Variants in PTPRN2 observed in about 807,000 individuals in gnomAD.
PTPRN2 encodes the protein protein tyrosine phosphatase receptor type N2, also known as receptor-type tyrosine-protein phosphatase N2.
PTPRN2 carries 74 observed loss-of-function variants against 118.8 expected under a neutral mutation model. That is an observed-to-expected ratio of 0.62 (90% confidence interval 0.52 to 0.76). PTPRN2 has a LOEUF of 0.76. Among genes scored for constraint, PTPRN2 ranks in the 30% least tolerant of loss-of-function variants. PTPRN2 has a pLI of 0.00. For missense variants in PTPRN2, 1,481 were observed against 1,394.4 expected (o/e 1.06, Z -0.99); for synonymous variants, 641 against 608.0 (o/e 1.05, Z -0.80).
chr7:158,306,855 GTT>G (rs61276074), intron 3 of PTPRN2, among the ~76,000 whole-genome samples: 96,593 of 121,326 alleles, frequency 0.8, 37,594 homozygotes, highest in South Asian at 0.86. Context: ...GCTGTTTTTT[GTT>G]TTTTTTTTTT....
intron 2 of PTPRN2, among the ~76,000 whole-genome samples, chr7:158,337,619 G>C (rs370268660): frequency 0.058 from 2,810 of 48,206 alleles, 3 homozygotes; most frequent in Non-Finnish European, 0.067. Context: ...ACCATAAGAG[G>C]AGACACCTGC....
chr7:158,085,986 G>T (rs1813379536), intron 10 of PTPRN2, among the ~76,000 whole-genome samples: 1 of 152,108 alleles, frequency 6.6e-6, no homozygotes, highest in South Asian at 2.1e-4. Context: ...ATCCACATGG[G>T]TGTTTTCTCC....
chr7:158,105,891 T>C (rs1233021059), intron 10 of PTPRN2, among the ~76,000 whole-genome samples: 1 of 150,712 alleles, frequency 6.6e-6, no homozygotes, highest in Middle Eastern at 3.4e-3. Flanking sequence ...TACTACTCTA[T>C]ACCCGGCTCC....
intron 2 of PTPRN2, among the ~76,000 whole-genome samples, chr7:158,476,380 C>T (rs1179268798): frequency 6.6e-6 from 1 of 152,238 alleles, no homozygotes; most frequent in African/African-American, 2.4e-5. Flanking sequence ...CCAGATAGCA[C>T]CAAATTCAAA....
chr7:158,467,686 A>G lies in PTPRN2; in HGVS notation c.163+22049T>C, dbSNP rs1407954081. ...GTGGATGTCCAGTTTCCCCGAAACC[A>G]TTTAAAGAGACGGCTCTTACCCCAG... On this transcript the variant is annotated intron_variant, in intron 2 of 22. Transcript: ENST00000389418. Among the ~76,000 whole-genome samples, 5 of 152,196 alleles carry G rather than the reference A, an allele frequency of 3.3e-5. No homozygotes were observed. In the East Asian group the frequency reaches 9.6e-4, roughly 29 times the overall value.
Position 157,927,425 on chromosome 7 carries a change from A to G in PTPRN2, c.1724-28688T>C, listed in dbSNP as rs62475365. On this transcript the variant is annotated intron_variant, in intron 11 of 22. Coordinates refer to ENST00000389418, the MANE Select transcript of PTPRN2 (RefSeq NM_002847.5). Reference sequence around the variant, plus strand: ...GGACCCGTCTGAGAGCAGAGGCCTCACATCTTCTGGGACCCCAAGACAGGA... The same window carrying G: ...GGACCCGTCTGAGAGCAGAGGCCTCGCATCTTCTGGGACCCCAAGACAGGA... Among the ~76,000 whole-genome samples, 65 of 85,310 alleles carry G rather than the reference A, an allele frequency of 7.6e-4. 2 individuals are homozygous for G. The highest frequency in any genetic ancestry group is 1.5e-3 in the African/African-American group (22 of 14,518). The allele number at this position is 85,310 out of a possible 152,430, so 56.0% of individuals were successfully genotyped here. A position where few individuals can be genotyped will look rare whatever the true frequency, so the allele number is the denominator to read the frequency against.
rs553073794 is a variant in PTPRN2, at chr7:157,822,538, T to C, written c.1788+76135A>G. Among the ~76,000 whole-genome samples the C allele has an allele frequency of 3.9e-5, 6 of 152,046 alleles. No individual in the cohort carries two copies. The East Asian group carries it at 9.7e-4, about 25-fold the overall frequency. On this transcript the variant is annotated intron_variant, in intron 12 of 22. Transcript: ENST00000389418. ...CCATTATCTATCCATAATACACTTA[T>C]CCATCCATCCAATCATCCGCTATCC...
intron 3 of PTPRN2, among the ~76,000 whole-genome samples, chr7:158,205,559 C>A (rs1585845741): frequency 6.6e-6 from 1 of 152,276 alleles, no homozygotes; most frequent in South Asian, 2.1e-4. Flanking sequence ...AATCATCCTC[C>A]CTGTAGGAAC....
intron 2 of PTPRN2, among the ~76,000 whole-genome samples, chr7:158,447,484 G>A (rs58312731): frequency 0.022 from 3,425 of 152,244 alleles, 118 homozygotes; most frequent in African/African-American, 0.078. Context: ...CTGCCCAGCT[G>A]GGCAGCCCAG....
chr7:157,760,584 G>A (rs1481665580), intron 12 of PTPRN2, among the ~76,000 whole-genome samples: 1 of 151,790 alleles, frequency 6.6e-6, no homozygotes, highest in African/African-American at 2.4e-5. Flanking sequence ...TGTGCTCCCC[G>A]AGTCTTCTCC....
chr7:158,523,875 C>T (rs1824512718), intron 1 of PTPRN2, among the ~76,000 whole-genome samples: 2 of 42,740 alleles, frequency 4.7e-5, no homozygotes, highest in Admixed American at 1.7e-4. Flanking sequence ...GGAGTGGAGT[C>T]GTCTACCCTG....
At chr7:157,562,257 C>T (rs1799230198) in intron 21 of PTPRN2, among the ~76,000 whole-genome samples, 2 of 152,304 alleles carry the variant, frequency 1.3e-5, no homozygotes, top group Admixed American at 1.3e-4. Flanking sequence ...TGCTGTGTGA[C>T]ACCTAATCAG....
Position 158,587,796 on chromosome 7 carries a change from G to A in PTPRN2, c.-127C>T, listed in dbSNP as rs535371669. The A allele has an allele frequency of 0.021, 19,401 of 927,006 alleles. 250 individuals are homozygous for A. The highest frequency in any genetic ancestry group is 0.023 in the Non-Finnish European group (18,144 of 775,442). The allele number at this position is 927,006 out of a possible 1,614,324, so 57.4% of individuals were successfully genotyped here. On this transcript the variant is annotated 5_prime_UTR_variant, in exon 1 of 23. Coordinates refer to ENST00000389418, the MANE Select transcript of PTPRN2 (RefSeq NM_002847.5). ...GCCGCGCCTCTCGCGCTCTTGCGGCGACGCCGGGCCGAGCTTCAGCACCGG... is the reference window on the plus strand; with the variant it reads ...GCCGCGCCTCTCGCGCTCTTGCGGCAACGCCGGGCCGAGCTTCAGCACCGG...
intron 10 of PTPRN2, among the ~76,000 whole-genome samples, chr7:158,109,705 T>C (rs1304598807): frequency 6.6e-6 from 1 of 150,898 alleles, no homozygotes; most frequent in Admixed American, 6.6e-5. Flanking sequence ...AGGGAGACAG[T>C]GAGTGAATGA....
chr7:158,291,033 G>A (rs1800089124), intron 3 of PTPRN2, among the ~76,000 whole-genome samples: 2 of 152,232 alleles, frequency 1.3e-5, no homozygotes, highest in Admixed American at 6.5e-5. Context: ...GGTCTGCTGA[G>A]CCAAGAGCAG....
At chr7:158,117,720 T>C (rs1816838464) in intron 9 of PTPRN2, among the ~76,000 whole-genome samples, 1 of 151,972 alleles carries the variant, frequency 6.6e-6, no homozygotes. Context: ...AATAATATTA[T>C]CAGCAGAAAC....
intron 11 of PTPRN2, among the ~76,000 whole-genome samples, chr7:157,941,415 C>T (rs192352766): frequency 6.9e-6 from 1 of 143,890 alleles, no homozygotes; most frequent in African/African-American, 2.7e-5. Context: ...ATCTAACACC[C>T]TCCCCCATGA....
chr7:158,415,702 A>G (rs1814603461), intron 2 of PTPRN2, among the ~76,000 whole-genome samples: 2 of 151,926 alleles, frequency 1.3e-5, no homozygotes, highest in Admixed American at 1.3e-4. Flanking sequence ...ATACACGCAA[A>G]TCCTCGTCAA....
At chr7:157,708,212 G>A (rs1193753487) in intron 12 of PTPRN2, among the ~76,000 whole-genome samples, 1 of 152,228 alleles carries the variant, frequency 6.6e-6, no homozygotes, top group Admixed American at 6.5e-5. Context: ...GCCTCTGAGT[G>A]TTGCCTTCCC....
Sources: gnomAD v4.1 joint callset for allele counts (sites outside exome capture counted in the v4.1 genomes callset) on GRCh38, gnomAD v4.1.1 for gene constraint, MANE v1.5 for transcripts, NCBI Gene and HGNC (gene_info 2026-07-23, HGNC 2026-07-21) for gene names.